ZBTB16: variants seen among roughly 807,000 people sequenced by gnomAD.
ZBTB16 encodes the protein zinc finger and BTB domain-containing protein 16.
A neutral mutation model predicts 56.8 loss-of-function variants in ZBTB16; 8 were observed. The ratio of observed to expected loss-of-function variants is 0.14; its 90% confidence interval spans 0.08 to 0.25. The LOEUF (loss-of-function observed/expected upper bound fraction) is 0.25. Ranked by LOEUF, ZBTB16 falls within the 10% of genes least tolerant of loss-of-function variation. The pLI is 1.00. For synonymous variants in ZBTB16, 363 were observed against 368.5 expected, an observed-to-expected ratio of 0.98 and a Z score of 0.17; for missense variants, 625 against 903.0, an observed-to-expected ratio of 0.69 and a Z score of 3.95.
intron 2 of ZBTB16, among the ~76,000 whole-genome samples, chr11:114,138,432 G>A (rs1279729385): frequency 6.6e-6 from 1 of 152,132 alleles, no homozygotes; most frequent in African/African-American, 2.4e-5. Context: ...TCTTCATCTA[G>A]CACTAAGTTT....
At chr11:114,197,752 G>A (rs623418) in intron 4 of ZBTB16, among the ~76,000 whole-genome samples, 29,691 of 151,872 alleles carry the variant, frequency 0.2, 3,336 homozygotes, top group African/African-American at 0.32. Context: ...ACAGAGTCTC[G>A]CTCTGTCGCC....
intron 4 of ZBTB16, among the ~76,000 whole-genome samples, chr11:114,205,755 GT>G (rs1025907771): frequency 6.6e-6 from 1 of 152,194 alleles, no homozygotes; most frequent in African/African-American, 2.4e-5. Flanking sequence ...TATTAAGTAT[GT>G]TTTAAAGGTA....
chr11:114,128,746 T>A (rs1322932750), intron 2 of ZBTB16, among the ~76,000 whole-genome samples: 1 of 152,116 alleles, frequency 6.6e-6, no homozygotes, highest in African/African-American at 2.4e-5. Context: ...ATTGAAGGCC[T>A]GGGTGGTTTA....
chr11:114,108,282 G>A (rs1418181085), intron 2 of ZBTB16, among the ~76,000 whole-genome samples: 2 of 152,168 alleles, frequency 1.3e-5, no homozygotes, highest in African/African-American at 4.8e-5. Flanking sequence ...CTGCTCCCGA[G>A]TCTTTCAGCT....
rs1039566291 is a variant in ZBTB16 at position 114,227,944 on chromosome 11, T to C, written c.1454-14223T>C. 3.0e-4 allele frequency among the ~76,000 whole-genome samples: 46 copies of C among 152,174 alleles called. 1 individual carries two copies. Among genetic ancestry groups the C allele is most frequent in the African/African-American group, 1.1e-3 (44 of 41,432 alleles). On this transcript the variant is annotated intron_variant, in intron 4 of 6. Coordinates refer to ENST00000335953, the MANE Select transcript of ZBTB16 (RefSeq NM_006006.6). ...ATACATTAGCATTGTCATGCAACCA[T>C]CAACACACACTGTATCTCCAGAACT...
At chr11:114,172,582 A>G (rs542687660) in intron 3 of ZBTB16, among the ~76,000 whole-genome samples, 2 of 152,238 alleles carry the variant, frequency 1.3e-5, no homozygotes, top group South Asian at 2.1e-4. Context: ...AGTTGTTTCC[A>G]TCCCCTTTCC....
chr11:114,199,183 C>T (rs1388971152), intron 4 of ZBTB16, among the ~76,000 whole-genome samples: 1 of 151,940 alleles, frequency 6.6e-6, no homozygotes, highest in East Asian at 1.9e-4. Flanking sequence ...GACGGGGATG[C>T]CGGACATGGA....
intron 2 of ZBTB16, among the ~76,000 whole-genome samples, chr11:114,120,124 A>G (rs1273695936): frequency 6.6e-6 from 1 of 152,120 alleles, no homozygotes; most frequent in East Asian, 1.9e-4. Context: ...TCAGGAGGGA[A>G]ATCTGTAAGG....
In ZBTB16 at chr11:114,123,781, C is replaced by T. The variant is rs78707213; in HGVS notation, c.1269-32556C>T. 5.2e-3 allele frequency among the ~76,000 whole-genome samples: 798 copies of T among 152,252 alleles called. 9 individuals carry two copies. The highest frequency in any genetic ancestry group is 0.018 in the African/African-American group (766 of 41,542). On this transcript the variant is annotated intron_variant, in intron 2 of 6. Coordinates refer to ENST00000335953, the MANE Select transcript of ZBTB16 (RefSeq NM_006006.6). ...AAAGGAATTAAGTCACTCTTCTTGA[C>T]AGTGGCCTTAAAATAGGGTTTTAAT... is the stretch of plus-strand genomic sequence containing the variant.
chr11:114,088,242 AGT>A (rs919341379), intron 2 of ZBTB16, among the ~76,000 whole-genome samples: 1 of 148,854 alleles, frequency 6.7e-6, no homozygotes, highest in Non-Finnish European at 1.5e-5. Context: ...CTTGGGTTCA[AGT>A]GATTCTTGTG....
At chr11:114,139,779 C>T (rs762386939) in intron 2 of ZBTB16, among the ~76,000 whole-genome samples, 16 of 152,078 alleles carry the variant, frequency 1.1e-4, no homozygotes, top group Non-Finnish European at 1.8e-4. Context: ...AGTGAGTGTC[C>T]GGAAGGCCCG....
At chr11:114,098,821 T>C (rs1286957210) in intron 2 of ZBTB16, among the ~76,000 whole-genome samples, 10 of 151,026 alleles carry the variant, frequency 6.6e-5, no homozygotes. Flanking sequence ...TATCAAATAA[T>C]GGGTTCTTGG....
At chr11:114,209,727 A>G in intron 4 of ZBTB16, 1 of 985,462 alleles carries the variant, frequency 1.0e-6, no homozygotes, top group Non-Finnish European at 1.2e-6. Flanking sequence ...TCAGGCCCCC[A>G]GGCATGTTCA....
intron 4 of ZBTB16, among the ~76,000 whole-genome samples, chr11:114,213,348 C>G (rs897106379): frequency 2.0e-5 from 3 of 152,204 alleles, no homozygotes; most frequent in Admixed American, 6.5e-5. Context: ...CTCCATCCCA[C>G]CACCTCCTCA....
Position 114,254,795 on chromosome 11 carries a change from G to A in ZBTB16, c.*4240G>A, listed in dbSNP as rs942625711. 1.6e-4 allele frequency among the ~76,000 whole-genome samples: 24 copies of A among 152,192 alleles called. No individual in the cohort carries two copies. The highest frequency in any genetic ancestry group is 5.8e-4 in the African/African-American group (24 of 41,438). On this transcript the variant is annotated 3_prime_UTR_variant, in exon 7 of 7. Transcript: ENST00000335953. ...TGGATATTTCAGTGGGAGGATGAAA[G>A]GCGAGACTCACCCTACGCGGTGGGA...
chr11:114,110,230 A>G (rs1441621660), intron 2 of ZBTB16, among the ~76,000 whole-genome samples: 4 of 151,794 alleles, frequency 2.6e-5, no homozygotes. Context: ...ACTTTCTTGG[A>G]GATGTGGAGC....
intron 2 of ZBTB16, among the ~76,000 whole-genome samples, chr11:114,076,843 C>A (rs1195404677): frequency 6.6e-6 from 1 of 152,070 alleles, no homozygotes; most frequent in South Asian, 2.1e-4. Context: ...TGCCACCTCT[C>A]CCGCGCCTTT....
intron 2 of ZBTB16, among the ~76,000 whole-genome samples, chr11:114,075,121 T>C (rs527242185): frequency 2.6e-5 from 4 of 152,328 alleles, no homozygotes; most frequent in African/African-American, 9.6e-5. Context: ...CTTTTTTCTT[T>C]TTCTTGCATT....
At chr11:114,194,008 C>T (rs1212839020) in intron 4 of ZBTB16, among the ~76,000 whole-genome samples, 2 of 152,160 alleles carry the variant, frequency 1.3e-5, no homozygotes, top group Non-Finnish European at 2.9e-5. Flanking sequence ...GAGTGTTGTC[C>T]AGTAGTCTGT....
Sources: gnomAD v4.1 joint callset for allele counts (sites outside exome capture counted in the v4.1 genomes callset) on GRCh38, gnomAD v4.1.1 for gene constraint, MANE v1.5 for transcripts, NCBI Gene and HGNC (gene_info 2026-07-23, HGNC 2026-07-21) for gene names.